The following KMT2C variants were observed in gnomAD, a reference collection of about 807,000 sequenced individuals.
KMT2C encodes lysine methyltransferase 2C, also known as histone-lysine N-methyltransferase 2C.
A neutral mutation model predicts 507.9 loss-of-function variants in KMT2C; 88 were observed. That is an observed-to-expected ratio of 0.17 (90% CI 0.15 to 0.21). The LOEUF is 0.21. KMT2C is among the 10% of genes least tolerant of loss of function. The pLI, the probability that KMT2C is intolerant of heterozygous loss-of-function variation, is 1.00. For synonymous variants in KMT2C, 2,049 were observed against 2,080.8 expected, an observed-to-expected ratio of 0.98 and a Z score of 0.42; for missense variants, 4,954 against 5,957.8, an observed-to-expected ratio of 0.83 and a Z score of 5.55.
At position 152,325,807 on chromosome 7, in the gene KMT2C, A is replaced by G. The variant is rs557137274; in HGVS notation, c.389+4794T>C. The stretch of plus-strand genomic sequence containing the variant: ...TTTTTTAAAAGTCTTTCCTTACCCC[A>G]AAGCAATGAAGAAATTCCTCTACAT... On this transcript the variant is annotated intron_variant, in intron 3 of 58. Transcript: ENST00000262189. Among the ~76,000 whole-genome samples, 12 of 152,206 alleles carry G rather than the reference A, an allele frequency of 7.9e-5. 2 individuals carry two copies. The highest frequency in any genetic ancestry group is 2.4e-4 in the African/African-American group (10 of 41,536).
chr7:152,241,881 TATTCATCATA>T (rs1289217696), intron 14 of KMT2C, among the ~76,000 whole-genome samples: 1 of 152,244 alleles, frequency 6.6e-6, no homozygotes, highest in Non-Finnish European at 1.5e-5. Context: ...AATTATGTAT[TATTCATCATA>T]ATTTAAAAGT....
At chr7:152,339,809 T>G (rs1426569568) in intron 2 of KMT2C, among the ~76,000 whole-genome samples, 2 of 152,098 alleles carry the variant, frequency 1.3e-5, no homozygotes, top group African/African-American at 4.8e-5. Context: ...TTAATTAATA[T>G]TATATAATAT....
intron 1 of KMT2C, among the ~76,000 whole-genome samples, chr7:152,369,461 A>G (rs1391857364): frequency 6.6e-6 from 1 of 152,228 alleles, no homozygotes; most frequent in African/African-American, 2.4e-5. Context: ...CAGCAAAACT[A>G]ACACACACAA....
intron 3 of KMT2C, among the ~76,000 whole-genome samples, chr7:152,319,668 G>A (rs957178078): frequency 2.0e-5 from 3 of 152,042 alleles, no homozygotes; most frequent in Non-Finnish European, 2.9e-5. Flanking sequence ...AGGCCTAACC[G>A]TCTGCCTGTG....
intron 25 of KMT2C, among the ~76,000 whole-genome samples, chr7:152,204,846 C>CA (rs551198263): frequency 2.0e-5 from 3 of 151,730 alleles, no homozygotes; most frequent in Non-Finnish European, 4.4e-5. Context: ...AAGAGCTTGT[C>CA]AAAAAATCTC....
At chr7:152,227,776 C>T (rs1403788757) in intron 18 of KMT2C, among the ~76,000 whole-genome samples, 1 of 152,192 alleles carries the variant, frequency 6.6e-6, no homozygotes, top group Non-Finnish European at 1.5e-5. Context: ...TTCTAGAAGC[C>T]CAAAGACCCA....
At position 152,285,173 on chromosome 7, in the gene KMT2C, C is replaced by T. The variant is rs796499166; in HGVS notation, c.850-11306G>A. On this transcript the variant is annotated intron_variant, in intron 6 of 58. Transcript: ENST00000262189. ...CTTAACTGTAAGCTAGTGAATGGAC[C>T]AATCTCAAAACCATTATGCTAAGTA... Among the ~76,000 whole-genome samples the T allele has an allele frequency of 1.8e-4, 27 of 149,830 alleles. No individual in the cohort carries two copies. In the South Asian group the frequency reaches 5.2e-3, roughly 29 times the overall value.
intron 2 of KMT2C, among the ~76,000 whole-genome samples, chr7:152,355,840 T>C (rs1468821625): frequency 6.6e-6 from 1 of 152,192 alleles, no homozygotes; most frequent in Non-Finnish European, 1.5e-5. Context: ...TTTGCTATGA[T>C]GGAGCAAAGA....
intron 1 of KMT2C, among the ~76,000 whole-genome samples, chr7:152,390,725 C>T (rs1260911427): frequency 6.6e-6 from 1 of 151,994 alleles, no homozygotes; most frequent in Non-Finnish European, 1.5e-5. Flanking sequence ...GTCTTAAATC[C>T]CATGCCGTTT....
intron 2 of KMT2C, among the ~76,000 whole-genome samples, chr7:152,356,124 T>C (rs71541752): frequency 0.02 from 3,107 of 152,172 alleles, 70 homozygotes; most frequent in South Asian, 0.09. Context: ...AGCAAGAAAA[T>C]AGATTTGATG....
intron 2 of KMT2C, among the ~76,000 whole-genome samples, chr7:152,332,706 G>A (rs886150694): frequency 6.6e-6 from 1 of 152,018 alleles, no homozygotes; most frequent in Non-Finnish European, 1.5e-5. Context: ...AAATTAGCCG[G>A]GCTTGGTGGC....
chr7:152,307,652 T>C (rs1383337010), intron 6 of KMT2C, among the ~76,000 whole-genome samples: 1 of 152,202 alleles, frequency 6.6e-6, no homozygotes, highest in Non-Finnish European at 1.5e-5. Flanking sequence ...GTGATTCCTC[T>C]GCCAGTGGTA....
chr7:152,303,180 A>C (rs1452818704), intron 6 of KMT2C, among the ~76,000 whole-genome samples: 1 of 152,228 alleles, frequency 6.6e-6, no homozygotes, highest in Non-Finnish European at 1.5e-5. Flanking sequence ...AAAACTAAAA[A>C]CAATCTGAGG....
At position 152,364,183 on chromosome 7, in the gene KMT2C, T is replaced by A. The variant is rs572605258; in HGVS notation, c.162-5508A>T. On this transcript the variant is annotated intron_variant, in intron 1 of 58. Coordinates refer to ENST00000262189, the MANE Select transcript of KMT2C (RefSeq NM_170606.3). ...TGATTCCCAACTTAACTACTGGGCA[T>A]AATCCAATAATCCAGCTATTATAAG... Among the ~76,000 whole-genome samples, 9 of 152,314 alleles carry A rather than the reference T, an allele frequency of 5.9e-5. No homozygotes were observed. The East Asian group carries it at 1.2e-3, about 20-fold the overall frequency.
chr7:152,236,218 G>C (rs202223738), intron 15 of KMT2C, among the ~76,000 whole-genome samples: 1 of 138,848 alleles, frequency 7.2e-6, no homozygotes, highest in South Asian at 2.4e-4. Flanking sequence ...CTACATTCTT[G>C]GTGACGACAA....
At chr7:152,221,914 G>A (rs2094784647) in intron 22 of KMT2C, 87 bp downstream of exon 22, 3 of 900,536 alleles carry the variant, frequency 3.3e-6, no homozygotes, top group Non-Finnish European at 5.3e-6. Context: ...CCATATGATT[G>A]AAGCAGGTTT....
intron 2 of KMT2C, among the ~76,000 whole-genome samples, chr7:152,340,325 C>T (rs1420315037): frequency 1.3e-5 from 2 of 152,014 alleles, no homozygotes; most frequent in Non-Finnish European, 2.9e-5. Flanking sequence ...AACTGACTTC[C>T]CTTAACTCCA....
intron 5 of KMT2C, 95 bp from the exon 6 acceptor site, chr7:152,310,170 A>T: frequency 1.3e-6 from 1 of 776,126 alleles, no homozygotes; most frequent in South Asian, 1.7e-5. Flanking sequence ...CAACTCTAAT[A>T]TGTAAATATA....
At chr7:152,215,373 G>T (rs1432022695) in intron 23 of KMT2C, among the ~76,000 whole-genome samples, 2 of 151,622 alleles carry the variant, frequency 1.3e-5, no homozygotes, top group Non-Finnish European at 2.9e-5. Context: ...AATTAGCCGG[G>T]CGTGGTGGCA....
Sources: gnomAD v4.1 joint callset for allele counts (sites outside exome capture counted in the v4.1 genomes callset) on GRCh38, gnomAD v4.1.1 for gene constraint, MANE v1.5 for transcripts, NCBI Gene and HGNC (gene_info 2026-07-23, HGNC 2026-07-21) for gene names.